Variants in PRKAR1B observed in about 807,000 individuals in gnomAD.
The protein encoded by PRKAR1B is cAMP-dependent protein kinase type I-beta regulatory subunit.
In PRKAR1B, 22 loss-of-function variants were observed where a neutral mutation model predicts 46.5. The ratio of observed to expected loss-of-function variants is 0.47; its 90% confidence interval spans 0.34 to 0.68. The LOEUF is 0.68. Ranked by LOEUF, PRKAR1B falls within the 30% of genes least tolerant of loss-of-function variation. The pLI, the probability that PRKAR1B is intolerant of heterozygous loss-of-function variation, is 0.01. For synonymous variants in PRKAR1B, 259 were observed against 217.7 expected, an observed-to-expected ratio of 1.19 and a Z score of -1.67; for missense variants, 445 against 535.6, an observed-to-expected ratio of 0.83 and a Z score of 1.67.
chr7:606,518 T>C (rs569166489), intron 5 of PRKAR1B, among the ~76,000 whole-genome samples: 3 of 152,196 alleles, frequency 2.0e-5, no homozygotes, highest in Non-Finnish European at 2.9e-5. Flanking sequence ...GGCTCTCGGC[T>C]CACTGCAACC....
intron 1 of PRKAR1B, among the ~76,000 whole-genome samples, chr7:715,323 T>C (rs908065175): frequency 2.2e-4 from 33 of 152,098 alleles, no homozygotes; most frequent in African/African-American, 7.7e-4. Context: ...GACAACCCCA[T>C]TAAATGCTCC....
At chr7:693,080 G>A (rs940943943) in intron 2 of PRKAR1B, among the ~76,000 whole-genome samples, 7 of 151,608 alleles carry the variant, frequency 4.6e-5, no homozygotes, top group Admixed American at 1.3e-4. Flanking sequence ...GACCACAGGC[G>A]CCCACCACCA....
chr7:655,747 C>T (rs1288101422), intron 4 of PRKAR1B, among the ~76,000 whole-genome samples: 2 of 152,162 alleles, frequency 1.3e-5, no homozygotes, highest in South Asian at 2.1e-4. Context: ...GTGAGTGTAG[C>T]TTCCATCCTA....
chr7:635,865 C>G (rs1197856167), intron 4 of PRKAR1B, among the ~76,000 whole-genome samples: 1 of 152,034 alleles, frequency 6.6e-6, no homozygotes, highest in Admixed American at 6.5e-5. Context: ...CGCCAGGCCT[C>G]AGTTTCCCCA....
At chr7:715,662 G>A (rs1019449923) in intron 1 of PRKAR1B, among the ~76,000 whole-genome samples, 2 of 151,962 alleles carry the variant, frequency 1.3e-5, no homozygotes, top group African/African-American at 2.4e-5. Context: ...GATTCATCAT[G>A]ACTAAATGTA....
In PRKAR1B at chr7:655,969, T is replaced by G. The variant is rs532555412; in HGVS notation, c.440+21260A>C. 2.7e-4 allele frequency among the ~76,000 whole-genome samples: 41 copies of G among 152,252 alleles called. No homozygotes were observed. In the South Asian group the frequency reaches 8.3e-3, roughly 31 times the overall value. ...GTCTGCCCCCGCGTAAGTGGTTGGGTTTCTCACTGAGTCAGAAAAATCCAT... is the reference window on the plus strand; with the variant it reads ...GTCTGCCCCCGCGTAAGTGGTTGGGGTTCTCACTGAGTCAGAAAAATCCAT... On this transcript the variant is annotated intron_variant, in intron 4 of 10. Transcript: ENST00000537384.
At chr7:591,093 C>T (rs1045805091) in intron 7 of PRKAR1B, among the ~76,000 whole-genome samples, 6 of 152,276 alleles carry the variant, frequency 3.9e-5, no homozygotes, top group Admixed American at 6.5e-5. Flanking sequence ...GTGTTTTGCC[C>T]GGGGAACCTC....
At chr7:557,595 G>C (rs1778525176) in intron 9 of PRKAR1B, among the ~76,000 whole-genome samples, 1 of 152,174 alleles carries the variant, frequency 6.6e-6, no homozygotes, top group Non-Finnish European at 1.5e-5. Context: ...GGAGGGGCAG[G>C]GGTGCCGACC....
intron 2 of PRKAR1B, among the ~76,000 whole-genome samples, chr7:692,784 C>T (rs1384312364): frequency 6.6e-6 from 1 of 152,086 alleles, no homozygotes; most frequent in Non-Finnish European, 1.5e-5. Context: ...ACTCAACGCA[C>T]GTTCAGTCAG....
chr7:646,294 T>G (rs1285636132), intron 4 of PRKAR1B, among the ~76,000 whole-genome samples: 1 of 152,234 alleles, frequency 6.6e-6, no homozygotes, highest in African/African-American at 2.4e-5. Flanking sequence ...TCCTCCCGCC[T>G]TGGTCTCCCA....
At chr7:554,404 T>A (rs1195302391) in intron 9 of PRKAR1B, among the ~76,000 whole-genome samples, 1 of 152,248 alleles carries the variant, frequency 6.6e-6, no homozygotes, top group African/African-American at 2.4e-5. Context: ...TAACACTTTC[T>A]GTTTCACAGC....
chr7:703,318 C>A (rs1188990537), intron 2 of PRKAR1B, among the ~76,000 whole-genome samples: 5 of 152,172 alleles, frequency 3.3e-5, no homozygotes, highest in Admixed American at 3.3e-4. Flanking sequence ...CAATGCTGTT[C>A]TTTGGTAGTA....
At chr7:674,449 G>A (rs187395127) in intron 4 of PRKAR1B, among the ~76,000 whole-genome samples, 30 of 150,172 alleles carry the variant, frequency 2.0e-4, no homozygotes, top group Admixed American at 1.7e-3. Context: ...AGATATTCCA[G>A]CCATGTCCAG....
At chr7:719,970 A>T (rs1248542075) in intron 1 of PRKAR1B, among the ~76,000 whole-genome samples, 1 of 151,536 alleles carries the variant, frequency 6.6e-6, no homozygotes, top group African/African-American at 2.4e-5. Context: ...TCTAATCTCC[A>T]TGTGTGAAGA....
At chr7:690,284 A>T (rs1779339732) in intron 2 of PRKAR1B, among the ~76,000 whole-genome samples, 1 of 150,920 alleles carries the variant, frequency 6.6e-6, no homozygotes, top group Admixed American at 6.6e-5. Context: ...TGACAGAGTG[A>T]GACTCTGTCT....
intron 4 of PRKAR1B, among the ~76,000 whole-genome samples, chr7:665,743 G>A (rs1197891624): frequency 2.6e-5 from 4 of 152,228 alleles, no homozygotes; most frequent in African/African-American, 4.8e-5. Context: ...GGGGAGAGGG[G>A]GCCGTGAAGG....
intron 9 of PRKAR1B, among the ~76,000 whole-genome samples, chr7:558,508 C>T (rs941986706): frequency 2.6e-5 from 4 of 152,124 alleles, no homozygotes; most frequent in African/African-American, 9.7e-5. Context: ...ATAATCCCAG[C>T]ATTTTGGGAG....
chr7:719,587 A>G (rs1781002975), intron 1 of PRKAR1B, among the ~76,000 whole-genome samples: 1 of 152,132 alleles, frequency 6.6e-6, no homozygotes, highest in African/African-American at 2.4e-5. Flanking sequence ...GGCCTGTTTC[A>G]TTTGTTGTAA....
At chr7:656,965 A>G (rs142846931) in intron 4 of PRKAR1B, among the ~76,000 whole-genome samples, 3,512 of 151,626 alleles carry the variant, frequency 0.023, 66 homozygotes, top group Middle Eastern at 0.038. Flanking sequence ...GCATGAGTGA[A>G]TGCATGGATG....
Sources: gnomAD v4.1 joint callset for allele counts (sites outside exome capture counted in the v4.1 genomes callset) on GRCh38, gnomAD v4.1.1 for gene constraint, MANE v1.5 for transcripts, NCBI Gene and HGNC (gene_info 2026-07-23, HGNC 2026-07-21) for gene names.